The following SORBS2 variants were observed in gnomAD, a reference collection of about 807,000 sequenced individuals.
SORBS2 encodes sorbin and SH3 domain-containing protein 2.
A neutral mutation model predicts 97.7 loss-of-function variants in SORBS2; 46 were observed. That is an observed-to-expected ratio of 0.47 (90% confidence interval 0.37 to 0.60). The LOEUF (loss-of-function observed/expected upper bound fraction) is 0.60. Ranked by LOEUF, SORBS2 falls within the 20% of genes least tolerant of loss-of-function variation. The pLI is 0.00. For synonymous variants in SORBS2, 476 were observed against 473.4 expected (o/e 1.01, Z -0.07); for missense variants, 1,316 against 1,282.3 (o/e 1.03, Z -0.40).
At chr4:185,877,385 A>AT (rs2099234220) in intron 1 of SORBS2, among the ~76,000 whole-genome samples, 1 of 152,350 alleles carries the variant, frequency 6.6e-6, no homozygotes, top group East Asian at 1.9e-4. Context: ...TTATGTAACA[A>AT]TTCAAATGCA....
intron 1 of SORBS2, among the ~76,000 whole-genome samples, chr4:185,888,178 G>A (rs1238477116): frequency 1.3e-5 from 2 of 151,958 alleles, no homozygotes; most frequent in African/African-American, 4.8e-5. Flanking sequence ...TGCTAGTAAT[G>A]GCTCCCAAAG....
chr4:185,639,845 C>A (rs1469842399), intron 4 of SORBS2, among the ~76,000 whole-genome samples: 3 of 152,140 alleles, frequency 2.0e-5, no homozygotes, highest in Admixed American at 1.3e-4. Flanking sequence ...GCTTACAATT[C>A]TTAAAGAAAC....
chr4:185,759,457 AGGATTGAGCT>A (rs928366870), intron 2 of SORBS2, among the ~76,000 whole-genome samples: 1 of 152,186 alleles, frequency 6.6e-6, no homozygotes, highest in Non-Finnish European at 1.5e-5. Context: ...CCTTTTTCTA[AGGATTGAGCT>A]GGATGACAAA....
intron 1 of SORBS2, among the ~76,000 whole-genome samples, chr4:185,816,808 C>A (rs369373006): frequency 1.3e-5 from 2 of 152,176 alleles, no homozygotes; most frequent in Admixed American, 6.5e-5. Flanking sequence ...TATAGAAGAA[C>A]AAAACCTTGC....
chr4:185,758,495 T>C (rs554099728), intron 2 of SORBS2, among the ~76,000 whole-genome samples: 11 of 152,264 alleles, frequency 7.2e-5, no homozygotes, highest in African/African-American at 2.2e-4. Context: ...TTTCTTAGCC[T>C]TTTTGTCCTC....
chr4:185,715,043 G>T (rs2098454622), intron 2 of SORBS2, among the ~76,000 whole-genome samples: 1 of 152,022 alleles, frequency 6.6e-6, no homozygotes. Context: ...CTTTACCATG[G>T]CATTTTTCAC....
intron 12 of SORBS2, among the ~76,000 whole-genome samples, chr4:185,597,888 G>A: frequency 6.6e-6 from 1 of 152,160 alleles, no homozygotes. Context: ...TATTTTAAAG[G>A]CCGCAGAGTG....
At chr4:185,834,262 T>C (rs763035981) in intron 1 of SORBS2, among the ~76,000 whole-genome samples, 1 of 152,084 alleles carries the variant, frequency 6.6e-6, no homozygotes, top group Non-Finnish European at 1.5e-5. Flanking sequence ...TGTTAAACCA[T>C]AGAATCCGCC....
At chr4:185,900,861 C>A (rs1272662715) in intron 1 of SORBS2, among the ~76,000 whole-genome samples, 1 of 152,150 alleles carries the variant, frequency 6.6e-6, no homozygotes, top group East Asian at 1.9e-4. Flanking sequence ...AAACTACAGA[C>A]TGCTTTTAAT....
chr4:185,845,871 T>A (rs1014164635), intron 1 of SORBS2, among the ~76,000 whole-genome samples: 1 of 152,180 alleles, frequency 6.6e-6, no homozygotes, highest in Non-Finnish European at 1.5e-5. Flanking sequence ...ACCTTTCAAC[T>A]GGCCAAAATA....
intron 2 of SORBS2, among the ~76,000 whole-genome samples, chr4:185,714,328 C>G (rs932913315): frequency 2.0e-5 from 3 of 152,158 alleles, no homozygotes; most frequent in Non-Finnish European, 4.4e-5. Context: ...CCTCAGCCAG[C>G]CTCTGACCCT....
At chr4:185,857,322 C>T (rs7658732) in intron 1 of SORBS2, among the ~76,000 whole-genome samples, 82,641 of 151,938 alleles carry the variant, frequency 0.54, 22,963 homozygotes, top group East Asian at 0.79. Context: ...CCAATCAATA[C>T]TCTTATAATT....
At chr4:185,735,644 GT>G (rs2098680322) in intron 2 of SORBS2, among the ~76,000 whole-genome samples, 1 of 151,766 alleles carries the variant, frequency 6.6e-6, no homozygotes, top group Admixed American at 6.6e-5. Context: ...GTTAATTTTT[GT>G]TAATTTGACA....
At chr4:185,901,350 G>A (rs964574384) in intron 1 of SORBS2, among the ~76,000 whole-genome samples, 2 of 152,016 alleles carry the variant, frequency 1.3e-5, no homozygotes, top group African/African-American at 2.4e-5. Context: ...TTACAGGCAT[G>A]TGCCACCACG....
intron 2 of SORBS2, among the ~76,000 whole-genome samples, chr4:185,680,108 T>C (rs969470339): frequency 6.6e-6 from 1 of 152,170 alleles, no homozygotes; most frequent in African/African-American, 2.4e-5. Flanking sequence ...TAGAGAAAAA[T>C]TACTTTGAAG....
intron 1 of SORBS2, among the ~76,000 whole-genome samples, chr4:185,873,381 C>A (rs970946889): frequency 6.6e-6 from 1 of 152,174 alleles, no homozygotes; most frequent in Non-Finnish European, 1.5e-5. Flanking sequence ...ATAGATCCTG[C>A]CTTACTACTT....
intron 1 of SORBS2, among the ~76,000 whole-genome samples, chr4:185,935,427 C>T (rs2099268466): frequency 6.6e-6 from 1 of 152,158 alleles, no homozygotes; most frequent in Non-Finnish European, 1.5e-5. Context: ...TTTCTCTGCC[C>T]CCATAAGCTT....
chr4:185,943,603 C>T (rs9998425), intron 1 of SORBS2, among the ~76,000 whole-genome samples: 19,689 of 152,098 alleles, frequency 0.13, 1,566 homozygotes, highest in Middle Eastern at 0.24. Context: ...GTCAATGTCA[C>T]AGGGAAAAAT....
chr4:185,586,223 T>C (rs977042264), exon 15 of SORBS2: 1 of 152,670 alleles, frequency 6.6e-6, no homozygotes, highest in African/African-American at 2.4e-5. Context: ...ACAGTTCTTA[T>C]GCAAAGTCAT....
Sources: allele counts gnomAD v4.1 joint callset (sites outside exome capture counted in the v4.1 genomes callset), GRCh38; gene constraint gnomAD v4.1.1; transcripts MANE v1.5; gene names NCBI Gene and HGNC (gene_info 2026-07-23, HGNC 2026-07-21).